The following DSC2 variants were observed in gnomAD, a reference collection of about 807,000 sequenced individuals.
The protein encoded by DSC2 is desmocollin 2, also known as desmocollin-2.
DSC2 carries 51 observed loss-of-function variants against 87.6 expected under a neutral mutation model. The ratio of observed to expected loss-of-function variants is 0.58; its 90% confidence interval spans 0.46 to 0.74. The LOEUF (loss-of-function observed/expected upper bound fraction) is 0.74. Ranked by LOEUF, DSC2 falls within the 30% of genes least tolerant of loss-of-function variation. DSC2 has a pLI of 0.00. For synonymous variants in DSC2, 383 were observed against 393.2 expected, an observed-to-expected ratio of 0.97 and a Z score of 0.31; for missense variants, 1,066 against 1,089.5, an observed-to-expected ratio of 0.98 and a Z score of 0.30.
chr18:31,081,666 T>C (rs1987223783), intron 9 of DSC2, among the ~76,000 whole-genome samples: 1 of 152,186 alleles, frequency 6.6e-6, no homozygotes, highest in South Asian at 2.1e-4. Context: ...AATAAGTCTA[T>C]AAATTTGTCC....
intron 1 of DSC2, among the ~76,000 whole-genome samples, chr18:31,094,847 A>G (rs1987714173): frequency 6.6e-6 from 1 of 152,226 alleles, no homozygotes; most frequent in Non-Finnish European, 1.5e-5. Flanking sequence ...CTGGCTGCAT[A>G]GCCAAGAGAG....
At chr18:31,086,168 AGATTTC>A (rs1987388035) in intron 7 of DSC2, among the ~76,000 whole-genome samples, 1 of 152,208 alleles carries the variant, frequency 6.6e-6, no homozygotes, top group African/African-American at 2.4e-5. Flanking sequence ...ATCCAAATCA[AGATTTC>A]TAGCAGTTGA....
rs752647898 is a variant in DSC2 at position 31,092,085 on chromosome 18, A to C, written c.354+16T>G. ...AAGAAAAGATATCATTTCTTCATTT[A>C]TGTAGCCTTGTATACCTTTGTTTGA... On this transcript the variant is annotated intron_variant, in intron 3 of 15. Transcript: ENST00000280904. 6.2e-7 allele frequency: 1 copy of C among 1,600,610 alleles called. No homozygotes were observed.
intron 4 of DSC2, 124 bp downstream of exon 4, chr18:31,090,904 T>A: frequency 7.3e-7 from 1 of 1,366,306 alleles, no homozygotes; most frequent in Non-Finnish European, 1.0e-6. Context: ...TGGAAACATA[T>A]TATACACATA....
At chr18:31,087,322 T>A (rs976387592) in intron 6 of DSC2, among the ~76,000 whole-genome samples, 3 of 152,216 alleles carry the variant, frequency 2.0e-5, no homozygotes, top group African/African-American at 7.2e-5. Flanking sequence ...CTTATTCTTT[T>A]TGGGCTATGT....
In DSC2 at chr18:31,082,551, A is replaced by T. The variant is rs1987259308; in HGVS notation, c.1078-128T>A. Reference sequence around the variant, plus strand: ...TTACATGATTTGAAACCCTAGCACTATACAACTTTTAATGTCACTGGGGCA... The same window carrying T: ...TTACATGATTTGAAACCCTAGCACTTTACAACTTTTAATGTCACTGGGGCA... On this transcript the variant is annotated intron_variant, in intron 8 of 15. Coordinates refer to ENST00000280904, the MANE Select transcript of DSC2 (RefSeq NM_024422.6). 3.4e-6 allele frequency: 3 copies of T among 873,154 alleles called. No individual in the cohort carries two copies. The Admixed American group carries it at 6.5e-5, about 19-fold the overall frequency. 54.1% of individuals were successfully genotyped at this position (873,154 alleles called of 1,614,324 possible). A position where few individuals can be genotyped will look rare whatever the true frequency, so the allele number is the denominator to read the frequency against.
chr18:31,091,407 G>A (rs1987593341), intron 3 of DSC2: 1 of 562,068 alleles, frequency 1.8e-6, no homozygotes, highest in Admixed American at 2.5e-5. Flanking sequence ...TGGAAGCCTA[G>A]AAGCAAAACT....
At chr18:31,085,564 G>C (rs1987369363) in intron 7 of DSC2, among the ~76,000 whole-genome samples, 1 of 151,572 alleles carries the variant, frequency 6.6e-6, no homozygotes, top group African/African-American at 2.4e-5. Context: ...AGATCTTTGG[G>C]ATTTTCAACA....
At chr18:31,070,973 C>A in intron 13 of DSC2, 123 bp from the exon 14 acceptor site, 1 of 1,239,940 alleles carries the variant, frequency 8.1e-7, no homozygotes, top group Non-Finnish European at 1.1e-6. Flanking sequence ...GACAGCTTTC[C>A]TGGATTGCTT....
rs770957317 is a variant in DSC2 at position 31,068,916 on chromosome 18, A to G, written c.2486T>C (p.Phe829Ser). The change falls in exon 15 of 16, where the codon TTT becomes TCT. Residue 829 changes from phenylalanine to serine, a missense_variant. Transcript: ENST00000280904. ...CACTTCACCAAGACGGGGCTGAGTAAAACTGTGCCACTCCGAGTAAGTGTA... is the reference window on the plus strand; with the variant it reads ...CACTTCACCAAGACGGGGCTGAGTAGAACTGTGCCACTCCGAGTAAGTGTA... ...CRYTYSEWHS[F>S]TQPRLGEKVY... is the part of the protein sequence containing the mutation. 10 of 1,613,870 alleles carry G rather than the reference A, an allele frequency of 6.2e-6. No homozygotes were observed. Among genetic ancestry groups the G allele is most frequent in the Non-Finnish European group, 8.5e-6 (10 of 1,180,014 alleles).
intron 10 of DSC2, 41 bp downstream of exon 10, chr18:31,080,055 A>C (rs753833885): frequency 1.2e-6 from 2 of 1,611,804 alleles, no homozygotes; most frequent in Non-Finnish European, 1.7e-6. Context: ...ACGTAACAAA[A>C]TAAGCTATAT....
chr18:31,097,462 G>A (rs1015457733), intron 1 of DSC2, among the ~76,000 whole-genome samples: 1 of 151,448 alleles, frequency 6.6e-6, no homozygotes, highest in Non-Finnish European at 1.5e-5. Flanking sequence ...TATCTATATC[G>A]ATTCTTACTA....
rs1369600637 is a variant in DSC2, at chr18:31,075,013, A to C, written c.1664-106T>G. 4 of 1,200,976 alleles carry C rather than the reference A, an allele frequency of 3.3e-6. No homozygotes were observed. In the African/African-American group the frequency reaches 6.1e-5, roughly 18 times the overall value. The allele number at this position is 1,200,976 out of a possible 1,614,324, so 74.4% of individuals were successfully genotyped here. ...ATTTATTAAGCACCTATAATGTAGA[A>C]GTTACAATGACAAGCAGTCACAAGC... is the stretch of plus-strand genomic sequence containing the variant. On this transcript the variant is annotated intron_variant, in intron 11 of 15. Transcript: ENST00000280904.
rs1421421662 is a variant in DSC2 at position 31,061,817 on chromosome 18, A to G, written c.*6198T>C. ...TAGCTATTGATGGGATAAAGAACAC[A>G]AGGACAGGTGGGGAGAGAAGAGCTT... is the stretch of plus-strand genomic sequence containing the variant. On this transcript the variant is annotated 3_prime_UTR_variant, in exon 16 of 16. Coordinates refer to ENST00000280904, the MANE Select transcript of DSC2 (RefSeq NM_024422.6). The G allele has an allele frequency of 6.6e-6, 1 of 152,236 alleles. No homozygotes were observed. The highest frequency in any genetic ancestry group is 1.5e-5 in the Non-Finnish European group (1 of 68,040). The allele number at this position is 152,236 out of a possible 1,614,324, so 9.4% of individuals were successfully genotyped here. A position where few individuals can be genotyped will look rare whatever the true frequency, so the allele number is the denominator to read the frequency against.
In DSC2 at chr18:31,078,767, T is replaced by C. The variant is rs191122536; in HGVS notation, c.1663+1080A>G. ...ATCTTCCAAAATCACTTCTAAATTC[T>C]AATTTTGCAAGTTATAGTATAATAA... On this transcript the variant is annotated intron_variant, in intron 11 of 15. Coordinates refer to ENST00000280904, the MANE Select transcript of DSC2 (RefSeq NM_024422.6). Among the ~76,000 whole-genome samples, 446 of 152,312 alleles carry C rather than the reference T, an allele frequency of 2.9e-3. 3 individuals carry two copies. Among genetic ancestry groups the C allele is most frequent in the African/African-American group, 0.01 (418 of 41,586 alleles).
chr18:31,095,554 G>A (rs1258076123), intron 1 of DSC2, among the ~76,000 whole-genome samples: 1 of 152,100 alleles, frequency 6.6e-6, no homozygotes, highest in Non-Finnish European at 1.5e-5. Context: ...TGGTTACTTG[G>A]GCTAAGGTAA....
intron 13 of DSC2, 29 bp downstream of exon 13, chr18:31,071,576 T>C (rs763021766): frequency 6.3e-7 from 1 of 1,598,554 alleles, no homozygotes; most frequent in Non-Finnish European, 8.6e-7. Context: ...AGGGTATTAT[T>C]TGAATTCAAG....
In DSC2 at chr18:31,101,835, C is replaced by G. The variant is rs531596201; in HGVS notation, c.69+68G>C. The G allele has an allele frequency of 2.7e-6, 4 of 1,465,236 alleles. No homozygotes were observed. The Admixed American group carries it at 8.4e-5, about 31-fold the overall frequency. 90.8% of individuals were successfully genotyped at this position (1,465,236 alleles called of 1,614,324 possible). On this transcript the variant is annotated intron_variant, in intron 1 of 15. Transcript: ENST00000280904. ...CCGCCACCCCCACCTATCCCCGTTC[C>G]CCTAGTTTTCCTCTGCACCCTAGGC... is the stretch of plus-strand genomic sequence containing the variant.
chr18:31,095,744 G>A (rs1308533331), intron 1 of DSC2, among the ~76,000 whole-genome samples: 3 of 152,040 alleles, frequency 2.0e-5, no homozygotes, highest in Non-Finnish European at 2.9e-5. Context: ...AGACATATTT[G>A]TAATTTCAAC....
Sources: gnomAD v4.1 joint callset for allele counts (sites outside exome capture counted in the v4.1 genomes callset) on GRCh38, gnomAD v4.1.1 for gene constraint, MANE v1.5 for transcripts, NCBI Gene and HGNC (gene_info 2026-07-23, HGNC 2026-07-21) for gene names.